The following RPH3A variants were observed in gnomAD, a reference collection of about 807,000 sequenced individuals.
RPH3A encodes the protein rabphilin 3A.
RPH3A carries 48 observed loss-of-function variants against 102.2 expected under a neutral mutation model. The ratio of observed to expected loss-of-function variants is 0.47; its 90% CI spans 0.37 to 0.60. The LOEUF is 0.60. RPH3A is among the 20% of genes least tolerant of loss of function. The probability of loss-of-function intolerance (pLI) is 0.00; values close to 1 mark genes in which losing one functional copy is unlikely to be tolerated. For synonymous variants in RPH3A, 310 were observed against 324.3 expected (o/e 0.96, Z 0.47); for missense variants, 781 against 910.1 (o/e 0.86, Z 1.83).
intron 2 of RPH3A, among the ~76,000 whole-genome samples, chr12:112,803,786 G>A (rs977377465): frequency 1.3e-5 from 2 of 152,106 alleles, no homozygotes; most frequent in Admixed American, 6.5e-5. Flanking sequence ...GGCAGTATGC[G>A]CAGTCCTTAG....
chr12:112,710,884 T>C (rs1344430287), intron 1 of RPH3A, among the ~76,000 whole-genome samples: 1 of 152,214 alleles, frequency 6.6e-6, no homozygotes, highest in Non-Finnish European at 1.5e-5. Context: ...GAGTCTCTTA[T>C]GTAACACAGC....
At chr12:112,883,147 G>A (rs770817998) in intron 15 of RPH3A, 146 bp from the exon 16 acceptor site, 36 of 629,358 alleles carry the variant, frequency 5.7e-5, no homozygotes, top group Non-Finnish European at 9.5e-5. Context: ...CCCACTCCCT[G>A]AGAACATGCA....
At chr12:112,704,771 T>C (rs1485714406) in intron 1 of RPH3A, among the ~76,000 whole-genome samples, 2 of 152,202 alleles carry the variant, frequency 1.3e-5, no homozygotes. Context: ...AGAATCTCTT[T>C]AATATTCTGA....
At chr12:112,672,842 C>A (rs1050756571) in intron 1 of RPH3A, among the ~76,000 whole-genome samples, 1 of 152,162 alleles carries the variant, frequency 6.6e-6, no homozygotes, top group African/African-American at 2.4e-5. Flanking sequence ...GGCCTCCCAG[C>A]GCAGGTGCAT....
intron 1 of RPH3A, among the ~76,000 whole-genome samples, chr12:112,594,416 T>C (rs1243904675): frequency 6.6e-6 from 1 of 152,082 alleles, no homozygotes; most frequent in Admixed American, 6.5e-5. Flanking sequence ...CACCCATCTC[T>C]GTTTATGCAG....
chr12:112,719,919 A>G (rs753959139), intron 1 of RPH3A, among the ~76,000 whole-genome samples: 6 of 152,166 alleles, frequency 3.9e-5, no homozygotes, highest in Non-Finnish European at 7.4e-5. Flanking sequence ...TCCTCCTCAC[A>G]TATCACTTGC....
At chr12:112,870,068 G>T in intron 10 of RPH3A, 29 bp downstream of exon 10, 1 of 1,595,284 alleles carries the variant, frequency 6.3e-7, no homozygotes, top group Non-Finnish European at 8.5e-7. Context: ...TCCAGAGACA[G>T]TTCTCTGGAT....
intron 3 of RPH3A, chr12:112,831,745 G>T (rs1182154052): frequency 2.2e-6 from 1 of 455,302 alleles, no homozygotes; most frequent in Non-Finnish European, 4.4e-6. Flanking sequence ...GTTCTTGAAG[G>T]TTGCAGCATT....
intron 1 of RPH3A, among the ~76,000 whole-genome samples, chr12:112,700,331 AGT>A (rs2040384422): frequency 2.0e-5 from 3 of 152,150 alleles, no homozygotes; most frequent in Non-Finnish European, 4.4e-5. Context: ...TGCTTCCCCA[AGT>A]GAATTCTTAA....
chr12:112,693,851 T>C (rs1566262113), intron 1 of RPH3A, among the ~76,000 whole-genome samples: 1 of 152,266 alleles, frequency 6.6e-6, no homozygotes, highest in Admixed American at 6.5e-5. Flanking sequence ...TATCTGTCTC[T>C]TGTTGGAACA....
At chr12:112,763,681 T>G (rs1037331699) in intron 1 of RPH3A, among the ~76,000 whole-genome samples, 1 of 152,198 alleles carries the variant, frequency 6.6e-6, no homozygotes, top group Non-Finnish European at 1.5e-5. Flanking sequence ...TCTTATCAGC[T>G]TTTCTGTTAG....
rs150943613 is a variant in RPH3A, at chr12:112,801,417, G to T, written c.-19+9154G>T. 1.8e-3 allele frequency among the ~76,000 whole-genome samples: 274 copies of T among 152,286 alleles called. 2 individuals carry two copies. Among genetic ancestry groups the T allele is most frequent in the African/African-American group, 6.2e-3 (259 of 41,548 alleles). ...TCTTCCTTTTTCTTTTCCTTGGAAG[G>T]GTTTATCTGACTGGGCAGGCCTATG... On this transcript the variant is annotated intron_variant, in intron 2 of 21. Transcript: ENST00000389385.
intron 1 of RPH3A, among the ~76,000 whole-genome samples, chr12:112,719,776 C>A (rs1011301065): frequency 1.3e-5 from 2 of 152,162 alleles, no homozygotes; most frequent in African/African-American, 4.8e-5. Context: ...GTTGACCAAT[C>A]TGTGTTCTTA....
chr12:112,875,723 T>C lies in RPH3A; in HGVS notation c.928T>C (p.Phe310Leu). The C allele has an allele frequency of 1.2e-6, 2 of 1,613,952 alleles. No individual in the cohort carries two copies. The highest frequency in any genetic ancestry group is 1.1e-5 in the South Asian group (1 of 91,048). ...ACCGGGTCCTGGGCCAGCAGGACGCTTTCCAGATCAGAAGCCAGGCAAGTA... is the reference window on the plus strand; with the variant it reads ...ACCGGGTCCTGGGCCAGCAGGACGCCTTCCAGATCAGAAGCCAGGCAAGTA... Reference protein sequence around the residue: ...SRPGPGPAGRFPDQKPEVAPS... With the variant: ...SRPGPGPAGRLPDQKPEVAPS... Residue 310 changes from phenylalanine (F) to leucine (L), a missense_variant, in exon 12 of 22, where the codon TTT becomes CTT. Physicochemically the swap from Phe to Leu is conservative, Grantham distance 22 (BLOSUM62 0). This residue lies in a region of RPH3A where 730 missense variants were observed against 810.0 expected (regional missense o/e 0.90). Coordinates refer to ENST00000389385, the MANE Select transcript of RPH3A (RefSeq NM_001143854.2).
chr12:112,612,338 C>G (rs2039645255), intron 1 of RPH3A, among the ~76,000 whole-genome samples: 1 of 152,166 alleles, frequency 6.6e-6, no homozygotes. Context: ...TGTAGTTACT[C>G]TGCTTCTGAG....
chr12:112,796,902 T>C (rs1326344171), intron 2 of RPH3A, among the ~76,000 whole-genome samples: 2 of 151,996 alleles, frequency 1.3e-5, no homozygotes, highest in African/African-American at 4.8e-5. Context: ...ATACAAAAAT[T>C]AGCTTGGTGT....
In RPH3A at chr12:112,896,819, C is replaced by T; in HGVS notation, c.*39C>T. Reference sequence around the variant, plus strand: ...TCCCCATCTCCATGTCCCGGGTCCCCCCCAGCCTGCTCTAGCTGCCCACCG... The same window carrying T: ...TCCCCATCTCCATGTCCCGGGTCCCTCCCAGCCTGCTCTAGCTGCCCACCG... On this transcript the variant is annotated 3_prime_UTR_variant, in exon 22 of 22. Coordinates refer to ENST00000389385, the MANE Select transcript of RPH3A (RefSeq NM_001143854.2). 10 of 1,611,190 alleles carry T rather than the reference C, an allele frequency of 6.2e-6. No homozygotes were observed. The highest frequency in any genetic ancestry group is 6.8e-6 in the Non-Finnish European group (8 of 1,178,708).
chr12:112,825,199 C>T (rs912596216), intron 2 of RPH3A, among the ~76,000 whole-genome samples: 5 of 152,180 alleles, frequency 3.3e-5, no homozygotes, highest in African/African-American at 4.8e-5. Context: ...AGCTGTCTCT[C>T]CTTTCTGTTT....
chr12:112,726,760 C>T (rs559022286), intron 1 of RPH3A, among the ~76,000 whole-genome samples: 1 of 152,116 alleles, frequency 6.6e-6, no homozygotes, highest in East Asian at 1.9e-4. Flanking sequence ...CAGTGGCTCA[C>T]GCCTGTAATC....
Sources: allele counts gnomAD v4.1 joint callset (sites outside exome capture counted in the v4.1 genomes callset), GRCh38; gene constraint gnomAD v4.1.1; regional missense constraint gnomAD v4.1.1; transcripts MANE v1.5; gene names NCBI Gene and HGNC (gene_info 2026-07-23, HGNC 2026-07-21).